The following PHF1 variants were observed in gnomAD, a reference collection of about 807,000 sequenced individuals.
The protein encoded by PHF1 is polycomb-like 1.
PHF1 carries 16 observed loss-of-function variants against 69.4 expected under a neutral mutation model. The observed-to-expected ratio is 0.23, with a 90% CI of 0.16 to 0.35. The LOEUF is 0.35. Among genes scored for constraint, PHF1 ranks in the 10% least tolerant of loss-of-function variants. The pLI is 1.00. For synonymous variants in PHF1, 274 were observed against 275.0 expected (o/e 1.00, Z 0.04); for missense variants, 515 against 732.8 (o/e 0.70, Z 3.43).
Position 33,412,255 on chromosome 6 carries a change from C to A in PHF1, c.-9C>A, listed in dbSNP as rs944410362. 2.5e-6 allele frequency: 4 copies of A among 1,609,160 alleles called. No individual in the cohort carries two copies. The highest frequency in any genetic ancestry group is 2.2e-5 in the East Asian group (1 of 44,844). On this transcript the variant is annotated 5_prime_UTR_variant, in exon 2 of 15. Coordinates refer to ENST00000374516, the MANE Select transcript of PHF1 (RefSeq NM_024165.3). This position sits in a 1 kb window ranked among gnomAD's most constrained non-coding sequence, Gnocchi z 4.2. ...CATTTCTTTTCTGGCTAGGCCCCCC[C>A]AGGATGCAATGGCGCAGCCCCCCCG...
At chr6:33,410,817 G>A (rs1327999895), upstream of PHF1, 2 of 152,174 alleles carry the variant, frequency 1.3e-5, no homozygotes, top group Non-Finnish European at 2.9e-5. Context: ...CTCTCCCACC[G>A]GGTCCGACTC....
In PHF1 at chr6:33,412,314, C is replaced by T. The variant is rs1248507261; in HGVS notation, c.51C>T (p.Asp17=). Residue 17 remains aspartate (D), a synonymous_variant, in exon 2 of 15, where the codon GAC becomes GAT. Transcript: ENST00000374516. This position sits in a 1 kb window ranked among gnomAD's most constrained non-coding sequence, Gnocchi z 4.2. ...GCTCTGGTGCCTCCTCACTTTGGGA[C>T]CCAGCTTCTCCTGCTCCCACCTCTG... The part of the protein sequence containing the change: ...LSRSGASSLW[D]PASPAPTSGP... 15 of 1,614,180 alleles carry T rather than the reference C, an allele frequency of 9.3e-6. No individual in the cohort carries two copies. The South Asian group carries it at 1.5e-4, about 17-fold the overall frequency.
chr6:33,411,691 A>G (rs892751836), intron 1 of PHF1, among the ~76,000 whole-genome samples: 14 of 151,268 alleles, frequency 9.3e-5, no homozygotes, highest in African/African-American at 2.9e-4. Flanking sequence ...GAAACTAGCA[A>G]CTAGGTTTGG....
At position 33,412,186 on chromosome 6, in the gene PHF1, A is replaced by T. The variant is rs1581938993; in HGVS notation, c.-16-62A>T. ...CAGGAAAAAAAAAAAAAAAAGAAAA[A>T]GAAAATGGGGAAGGTTTCTCAGCAT... On this transcript the variant is annotated intron_variant, in intron 1 of 14. Coordinates refer to ENST00000374516, the MANE Select transcript of PHF1 (RefSeq NM_024165.3). This position sits in a 1 kb window ranked among gnomAD's most constrained non-coding sequence, Gnocchi z 4.2. The T allele has an allele frequency of 1.6e-6, 2 of 1,223,634 alleles. No individual in the cohort carries two copies. Among genetic ancestry groups the T allele is most frequent in the Non-Finnish European group, 2.3e-6 (2 of 867,468 alleles). 75.8% of individuals were successfully genotyped at this position (1,223,634 alleles called of 1,614,324 possible). A position where few individuals can be genotyped will look rare whatever the true frequency, so the allele number is the denominator to read the frequency against.
At position 33,412,421 on chromosome 6, in the gene PHF1, A is replaced by C; in HGVS notation, c.158A>C (p.Lys53Thr). ...DGLLYLGTIK[K>T]VDSAREVCLV... ...CTGCTATACTTGGGTACCATCAAAA[A>C]GGTAAGACCTTCTACCTCTGACCTT... Residue 53 changes from lysine (K) to threonine (T), a missense_variant and splice_region_variant, in exon 2 of 15, where the codon AAG becomes ACG. By Grantham distance (78) the Lys-to-Thr change is moderately conservative (BLOSUM62 -1). Transcript: ENST00000374516. This position sits in a 1 kb window ranked among gnomAD's most constrained non-coding sequence, Gnocchi z 4.2. 2.5e-6 allele frequency: 4 copies of C among 1,614,234 alleles called. No individual in the cohort carries two copies. In the South Asian group the frequency reaches 3.3e-5, roughly 13 times the overall value.
intron 1 of PHF1, among the ~76,000 whole-genome samples, chr6:33,411,642 G>A (rs972294627): frequency 2.6e-5 from 4 of 152,030 alleles, no homozygotes; most frequent in Non-Finnish European, 5.9e-5. Context: ...AAAATTTCAA[G>A]GCCAGTATAT....
At position 33,412,274 on chromosome 6, in the gene PHF1, C is replaced by T. The variant is rs781403506; in HGVS notation, c.11C>T (p.Pro4Leu). Reference protein sequence around the residue: MAQPPRLSRSGASS... With the variant: MAQLPRLSRSGASS... ...CCCCCCCAGGATGCAATGGCGCAGCCCCCCCGGCTGAGCCGCTCTGGTGCC... is the reference window on the plus strand; with the variant it reads ...CCCCCCCAGGATGCAATGGCGCAGCTCCCCCGGCTGAGCCGCTCTGGTGCC... The change falls in exon 2 of 15, where the codon CCC becomes CTC. Residue 4 changes from proline (P) to leucine (L), a missense_variant. Physicochemically the swap from Pro to Leu is moderately conservative, Grantham distance 98 (BLOSUM62 -3). Coordinates refer to ENST00000374516, the MANE Select transcript of PHF1 (RefSeq NM_024165.3). This position sits in a 1 kb window ranked among gnomAD's most constrained non-coding sequence, Gnocchi z 4.2. 6 of 1,613,502 alleles carry T rather than the reference C, an allele frequency of 3.7e-6. No homozygotes were observed. Among genetic ancestry groups the T allele is most frequent in the Non-Finnish European group, 5.1e-6 (6 of 1,179,936 alleles).
At position 33,414,978 on chromosome 6, in the gene PHF1, G is replaced by A; in HGVS notation, c.1073G>A (p.Gly358Glu). 6.5e-7 allele frequency: 1 copy of A among 1,547,556 alleles called. No homozygotes were observed. Among genetic ancestry groups the A allele is most frequent in the Non-Finnish European group, 8.7e-7 (1 of 1,145,914 alleles). ...LTSFPSGQGP[G>E]GGVSRPLGKR... ...AGCTTCCCTTCAGGGCAGGGCCCTG[G>A]GGGAGGGGTCTCACGTCCCCTGGGG... The change falls in exon 12 of 15, where the codon GGG becomes GAG. Residue 358 changes from glycine (G) to glutamate (E), a missense_variant. Coordinates refer to ENST00000374516, the MANE Select transcript of PHF1 (RefSeq NM_024165.3). This position sits in a 1 kb window ranked among gnomAD's most constrained non-coding sequence, Gnocchi z 5.0.
chr6:33,413,699 G>C (rs1157331852), intron 6 of PHF1, 37 bp from the exon 7 acceptor site: 2 of 1,604,508 alleles, frequency 1.2e-6, no homozygotes, highest in African/African-American at 1.3e-5. Flanking sequence ...TGGGGAAGGG[G>C]GTTTCTGGAG....
At position 33,412,374 on chromosome 6, in the gene PHF1, G is replaced by C; in HGVS notation, c.111G>C (p.Val37=). 6.2e-7 allele frequency: 1 copy of C among 1,614,218 alleles called. No individual in the cohort carries two copies. The highest frequency in any genetic ancestry group is 8.5e-7 in the Non-Finnish European group (1 of 1,180,032). The change falls in exon 2 of 15, where the codon GTG becomes GTC. Residue 37 remains valine, a synonymous_variant. Transcript: ENST00000374516. This position sits in a 1 kb window ranked among gnomAD's most constrained non-coding sequence, Gnocchi z 4.2. ...PRPRLWEGQD[V]LARWTDGLLY... is the part of the protein sequence containing the mutation. ...CTCGGCTTTGGGAGGGTCAAGATGTGCTGGCCAGATGGACTGATGGGCTGC... is the reference window on the plus strand; with the variant it reads ...CTCGGCTTTGGGAGGGTCAAGATGTCCTGGCCAGATGGACTGATGGGCTGC...
rs1426775372 is a variant in PHF1, at chr6:33,414,487, C to T, written c.887C>T (p.Thr296Ile). ...CTTCATTTCTCCCAGCTTTCAGACA[C>T]CCCCAAAGGAGAACGTTCTTCCAGG... is the stretch of plus-strand genomic sequence containing the variant. Reference protein sequence around the residue: ...DSLLLGELSDTPKGERSSRLL... With the variant: ...DSLLLGELSDIPKGERSSRLL... Residue 296 changes from threonine (T) to isoleucine (I), a missense_variant, in exon 10 of 15, where the codon ACC becomes ATC. Thr to Ile is a moderately conservative substitution (Grantham distance 89, BLOSUM62 -1). Around this residue, in one of 5 missense-constraint regions of PHF1, gnomAD observed 142 missense variants for 309.7 expected, o/e 0.46. Transcript: ENST00000374516. This position sits in a 1 kb window ranked among gnomAD's most constrained non-coding sequence, Gnocchi z 5.0. The T allele has an allele frequency of 6.2e-7, 1 of 1,613,830 alleles. No homozygotes were observed. The highest frequency in any genetic ancestry group is 1.1e-5 in the South Asian group (1 of 91,076).
intron 4 of PHF1, 173 bp from the exon 5 acceptor site, chr6:33,413,023 G>T (rs1178077447): frequency 2.8e-6 from 2 of 722,280 alleles, no homozygotes; most frequent in Non-Finnish European, 4.8e-6. Context: ...ATATGACCTC[G>T]GACAAGTCCC....
In PHF1 at chr6:33,411,711, G is replaced by T. The variant is rs181543604; in HGVS notation, c.-17+496G>T. On this transcript the variant is annotated intron_variant, in intron 1 of 14. Transcript: ENST00000374516. ...TAGCAACTAGGTTTGGGGTCGGGGG[G>T]AGGGCTGTTAGTTACCGAGAGGAGA... Among the ~76,000 whole-genome samples the T allele has an allele frequency of 4.1e-4, 62 of 152,182 alleles. No individual in the cohort carries two copies. In the East Asian group the frequency reaches 0.011, roughly 27 times the overall value.
Position 33,414,077 on chromosome 6 carries a change from C to A in PHF1, c.720C>A (p.Gly240=). 1 of 1,614,078 alleles carries A rather than the reference C, an allele frequency of 6.2e-7. No individual in the cohort carries two copies. The highest frequency in any genetic ancestry group is 2.2e-5 in the East Asian group (1 of 44,884). The change falls in exon 8 of 15, where the codon GGC becomes GGA. Residue 240 remains glycine, a synonymous_variant. Transcript: ENST00000374516. This position sits in a 1 kb window ranked among gnomAD's most constrained non-coding sequence, Gnocchi z 5.0. ...YEFECCVCRG[G]PEKVRRLQLR... is the part of the protein sequence containing the mutation. ...TTGAATGCTGTGTGTGTCGCGGGGG[C>A]CCTGAGAAAGTCCGGAGACTACAGC...
rs1170434316 is a variant in PHF1 at position 33,414,200 on chromosome 6, C to T, written c.753-43C>T. 6 of 1,614,076 alleles carry T rather than the reference C, an allele frequency of 3.7e-6. No individual in the cohort carries two copies. The highest frequency in any genetic ancestry group is 5.1e-6 in the Non-Finnish European group (6 of 1,179,948). Reference sequence around the variant, plus strand: ...ACCTCCCACCTCAGGACTCCCCTGGCTCTTAAAATGCCTCTGTGGTCTTGA... The same window carrying T: ...ACCTCCCACCTCAGGACTCCCCTGGTTCTTAAAATGCCTCTGTGGTCTTGA... On this transcript the variant is annotated intron_variant, in intron 8 of 14. Coordinates refer to ENST00000374516, the MANE Select transcript of PHF1 (RefSeq NM_024165.3). The surrounding 1 kb of genome is among the most constrained non-coding windows in gnomAD (Gnocchi z 5.0).
chr6:33,414,813 GA>G lies in PHF1; in HGVS notation c.1034del (p.Asp345ValfsTer32). ...TCCCCCTGTGGAGCCCCCTACTGGAGATGGAGCACTCACCAGGTCACTGGTC... is the reference window on the plus strand; with the variant it reads ...TCCCCCTGTGGAGCCCCCTACTGGAGTGGAGCACTCACCAGGTCACTGGTC... Reference protein sequence around the residue: ...MPPPVEPPTGDGALTSFPSGQ... With the variant: ...MPPPVEPPTGXGALTSFPSGQ... On this transcript the variant is annotated frameshift_variant, in exon 11 of 15. Transcript: ENST00000374516. LOFTEE classifies it high-confidence loss of function. The surrounding 1 kb of genome is among the most constrained non-coding windows in gnomAD (Gnocchi z 5.0). The G allele has an allele frequency of 6.2e-7, 1 of 1,613,372 alleles. No individual in the cohort carries two copies.
chr6:33,415,501 TG>T, intron 13 of PHF1, 88 bp from the exon 14 acceptor site: 2 of 1,401,854 alleles, frequency 1.4e-6, no homozygotes, highest in Non-Finnish European at 2.0e-6. Flanking sequence ...GGGAGTCCCT[TG>T]GGGGTAGTGT....
At position 33,414,178 on chromosome 6, in the gene PHF1, T is replaced by G. The variant is rs1183693404; in HGVS notation, c.753-65T>G. 6.2e-7 allele frequency: 1 copy of G among 1,613,638 alleles called. No individual in the cohort carries two copies. Among genetic ancestry groups the G allele is most frequent in the African/African-American group, 1.3e-5 (1 of 74,898 alleles). On this transcript the variant is annotated intron_variant, in intron 8 of 14. Coordinates refer to ENST00000374516, the MANE Select transcript of PHF1 (RefSeq NM_024165.3). The surrounding 1 kb of genome is among the most constrained non-coding windows in gnomAD (Gnocchi z 5.0). ...GTATTTCACTCTATATGCCCCAACC[T>G]CCCACCTCAGGACTCCCCTGGCTCT...
At position 33,412,449 on chromosome 6, in the gene PHF1, TC is replaced by T. The variant is rs1776144789; in HGVS notation, c.159+29del. On this transcript the variant is annotated intron_variant, in intron 2 of 14. Transcript: ENST00000374516. This position sits in a 1 kb window ranked among gnomAD's most constrained non-coding sequence, Gnocchi z 4.2. ...TAAGACCTTCTACCTCTGACCTTCT[TC>T]CTAGTTCCCTTATCTAATTCTGGTT... is the stretch of plus-strand genomic sequence containing the variant. The T allele has an allele frequency of 6.2e-7, 1 of 1,614,218 alleles. No individual in the cohort carries two copies. Among genetic ancestry groups the T allele is most frequent in the African/African-American group, 1.3e-5 (1 of 75,072 alleles).
Sources: gnomAD v4.1 joint callset for allele counts (sites outside exome capture counted in the v4.1 genomes callset) on GRCh38, gnomAD v4.1.1 for gene constraint, gnomAD v4.1.1 regional missense constraint, Gnocchi (gnomAD v3.1) non-coding constraint, MANE v1.5 for transcripts, NCBI Gene and HGNC (gene_info 2026-07-23, HGNC 2026-07-21) for gene names.